The following EXOC4 variants were observed in gnomAD, a reference collection of about 807,000 sequenced individuals.
EXOC4 encodes SEC8-like 1.
EXOC4 carries 71 observed loss-of-function variants against 107.2 expected under a neutral mutation model. The observed-to-expected ratio is 0.66, with a 90% CI of 0.55 to 0.81. EXOC4 has a LOEUF of 0.81. EXOC4 is among the 30% of genes least tolerant of loss of function. EXOC4 has a pLI of 0.00. For synonymous variants in EXOC4, 456 were observed against 441.2 expected, an observed-to-expected ratio of 1.03 and a Z score of -0.42; for missense variants, 1,108 against 1,189.6, an observed-to-expected ratio of 0.93 and a Z score of 1.01.
intron 10 of EXOC4, among the ~76,000 whole-genome samples, chr7:133,796,947 G>T (rs1479339216): frequency 6.6e-6 from 1 of 152,152 alleles, no homozygotes; most frequent in Non-Finnish European, 1.5e-5. Context: ...GAAGTAATTG[G>T]ATTGACAGAC....
chr7:133,917,015 G>A (rs1012811105), intron 12 of EXOC4, among the ~76,000 whole-genome samples: 9 of 152,184 alleles, frequency 5.9e-5, no homozygotes, highest in African/African-American at 2.2e-4. Context: ...GAGCCCACTG[G>A]AGATGGCAGT....
At chr7:133,927,455 G>A (rs182296571) in intron 13 of EXOC4, among the ~76,000 whole-genome samples, 60 of 152,292 alleles carry the variant, frequency 3.9e-4, no homozygotes, top group Admixed American at 3.1e-3. Flanking sequence ...GGTTCTCAAC[G>A]TAATATAAGC....
chr7:133,710,794 CT>C (rs1039484624), intron 10 of EXOC4, among the ~76,000 whole-genome samples: 5 of 148,068 alleles, frequency 3.4e-5, no homozygotes, highest in African/African-American at 7.4e-5. Flanking sequence ...CTACCAATTT[CT>C]TTTTTTTTGT....
intron 11 of EXOC4, among the ~76,000 whole-genome samples, chr7:133,823,892 A>T (rs1219981030): frequency 9.6e-4 from 17 of 17,758 alleles, no homozygotes; most frequent in Admixed American, 8.2e-3. Context: ...ATATATATAT[A>T]TTTTATATAT....
intron 7 of EXOC4, among the ~76,000 whole-genome samples, chr7:133,447,848 TGACTC>T (rs934862902): frequency 2.6e-5 from 4 of 152,322 alleles, no homozygotes; most frequent in Admixed American, 2.0e-4. Flanking sequence ...AAAAAACTAA[TGACTC>T]AAGTCATTCA....
intron 3 of EXOC4, 97 bp from the exon 4 acceptor site, chr7:133,305,780 C>CA: frequency 1.1e-6 from 1 of 945,862 alleles, no homozygotes; most frequent in East Asian, 2.9e-5. Context: ...CTCGTAAGCT[C>CA]CCTTTGTTAG....
intron 10 of EXOC4, among the ~76,000 whole-genome samples, chr7:133,807,688 T>C (rs1797111857): frequency 6.6e-6 from 1 of 152,214 alleles, no homozygotes; most frequent in African/African-American, 2.4e-5. Flanking sequence ...GCAGGATTAT[T>C]ATTTTGTTCT....
chr7:133,265,692 T>C lies in EXOC4; in HGVS notation c.87-9290T>C, dbSNP rs145835209. Among the ~76,000 whole-genome samples, 157 of 152,328 alleles carry C rather than the reference T, an allele frequency of 1.0e-3. 1 individual carries two copies. Among genetic ancestry groups the C allele is most frequent in the African/African-American group, 3.7e-3 (153 of 41,578 alleles). ...GAAGGGATTTCCATTCATTGTTTTG[T>C]TCATCTTTATTATTCCTGGAGGAGA... On this transcript the variant is annotated intron_variant, in intron 1 of 17. Transcript: ENST00000253861.
intron 9 of EXOC4, among the ~76,000 whole-genome samples, chr7:133,573,123 A>C: frequency 6.6e-6 from 1 of 152,224 alleles, no homozygotes; most frequent in East Asian, 1.9e-4. Context: ...TAATACATGA[A>C]TAGTTAGATC....
At chr7:133,610,912 A>G (rs1184091839) in intron 9 of EXOC4, among the ~76,000 whole-genome samples, 3 of 151,376 alleles carry the variant, frequency 2.0e-5, no homozygotes, top group Non-Finnish European at 2.9e-5. Context: ...CCTGGGCTCA[A>G]GTAGTCCTCC....
intron 17 of EXOC4, among the ~76,000 whole-genome samples, chr7:134,046,183 T>C (rs997562931): frequency 6.6e-6 from 1 of 152,122 alleles, no homozygotes. Context: ...AAATACAGAA[T>C]GTTAAAACCA....
At chr7:133,507,410 T>C (rs935364849) in intron 9 of EXOC4, among the ~76,000 whole-genome samples, 1 of 152,230 alleles carries the variant, frequency 6.6e-6, no homozygotes, top group African/African-American at 2.4e-5. Flanking sequence ...AGTATCCTTC[T>C]GGATAATTTG....
At chr7:133,282,589 G>A (rs1231610971) in intron 2 of EXOC4, among the ~76,000 whole-genome samples, 1 of 152,042 alleles carries the variant, frequency 6.6e-6, no homozygotes, top group African/African-American at 2.4e-5. Context: ...ACATTTGAAT[G>A]TTATTCATTG....
intron 5 of EXOC4, among the ~76,000 whole-genome samples, chr7:133,325,002 A>G (rs1414177268): frequency 1.3e-5 from 2 of 152,074 alleles, no homozygotes; most frequent in African/African-American, 4.8e-5. Flanking sequence ...GTTGGTTTAA[A>G]GTCTGTTTTA....
At chr7:133,870,978 C>A (rs781199197) in intron 11 of EXOC4, among the ~76,000 whole-genome samples, 1 of 152,182 alleles carries the variant, frequency 6.6e-6, no homozygotes, top group Non-Finnish European at 1.5e-5. Flanking sequence ...TACTCACATT[C>A]GCTGTGCTCC....
intron 10 of EXOC4, among the ~76,000 whole-genome samples, chr7:133,755,370 A>T (rs1310986598): frequency 7.8e-6 from 1 of 128,730 alleles, no homozygotes; most frequent in Admixed American, 8.2e-5. Flanking sequence ...GGGGGGACAG[A>T]GTCTCACCCT....
intron 10 of EXOC4, among the ~76,000 whole-genome samples, chr7:133,632,656 A>G (rs1802617982): frequency 6.6e-6 from 1 of 152,098 alleles, no homozygotes; most frequent in South Asian, 2.1e-4. Context: ...ACGCTTGTGT[A>G]TTTTATTAGT....
chr7:134,054,812 A>C (rs112110204), intron 17 of EXOC4, among the ~76,000 whole-genome samples: 3 of 152,180 alleles, frequency 2.0e-5, no homozygotes, highest in Non-Finnish European at 4.4e-5. Context: ...CCAAATTCAC[A>C]TTGTTATCCA....
intron 10 of EXOC4, among the ~76,000 whole-genome samples, chr7:133,787,173 C>CTTTTTTTTTTTTTTTTTTTTTT (rs3076807): frequency 7.5e-6 from 1 of 133,146 alleles, no homozygotes; most frequent in Non-Finnish European, 1.6e-5. Context: ...TTTTTCTTTT[C>CTTTTTTTTTTTTTTTTTTTTTT]TTTTTTTTTT....
Sources: gnomAD v4.1 joint callset for allele counts (sites outside exome capture counted in the v4.1 genomes callset) on GRCh38, gnomAD v4.1.1 for gene constraint, MANE v1.5 for transcripts, NCBI Gene and HGNC (gene_info 2026-07-23, HGNC 2026-07-21) for gene names.